Variants in COG5 observed in about 807,000 individuals in gnomAD.
The protein encoded by COG5 is conserved oligomeric Golgi complex subunit 5.
A neutral mutation model predicts 110.4 loss-of-function variants in COG5; 86 were observed. The ratio of observed to expected loss-of-function variants is 0.78; its 90% CI spans 0.65 to 0.93. COG5 has a LOEUF of 0.93. COG5 is among the 40% of genes least tolerant of loss of function. COG5 has a pLI of 0.00. For synonymous variants in COG5, 360 were observed against 334.6 expected (o/e 1.08, Z -0.83); for missense variants, 1,077 against 987.0 (o/e 1.09, Z -1.22).
At chr7:107,400,672 A>C (rs1472347639) in intron 7 of COG5, among the ~76,000 whole-genome samples, 2 of 152,178 alleles carry the variant, frequency 1.3e-5, no homozygotes, top group Non-Finnish European at 2.9e-5. Flanking sequence ...AACTATGGGA[A>C]GTAATAACAC....
intron 6 of COG5, among the ~76,000 whole-genome samples, chr7:107,466,876 T>G (rs187964412): frequency 6.6e-6 from 1 of 152,352 alleles, no homozygotes; most frequent in East Asian, 1.9e-4. Flanking sequence ...CTTAAAATTG[T>G]TTCAAAGTAC....
At chr7:107,310,004 G>A (rs1311850976) in intron 11 of COG5, among the ~76,000 whole-genome samples, 2 of 151,918 alleles carry the variant, frequency 1.3e-5, no homozygotes, top group Non-Finnish European at 2.9e-5. Flanking sequence ...TCTTTCTTAG[G>A]TAAACAAAAG....
chr7:107,459,816 A>T (rs1315569380), intron 6 of COG5, among the ~76,000 whole-genome samples: 1 of 150,284 alleles, frequency 6.7e-6, no homozygotes, highest in East Asian at 1.9e-4. Flanking sequence ...AAAAAAAGTT[A>T]ATAGAACAGT....
intron 14 of COG5, among the ~76,000 whole-genome samples, chr7:107,264,602 AGGAT>A (rs1159717885): frequency 6.6e-6 from 1 of 152,040 alleles, no homozygotes; most frequent in Non-Finnish European, 1.5e-5. Context: ...CTAAGGTGTG[AGGAT>A]GGTGTGAGCC....
chr7:107,211,301 T>C, intron 19 of COG5, 76 bp from the exon 20 acceptor site: 1 of 1,510,622 alleles, frequency 6.6e-7, no homozygotes, highest in Non-Finnish European at 9.2e-7. Flanking sequence ...ATCATTCTCC[T>C]TGTAGAATAG....
At chr7:107,384,282 T>C (rs1815374942) in intron 7 of COG5, among the ~76,000 whole-genome samples, 1 of 152,020 alleles carries the variant, frequency 6.6e-6, no homozygotes, top group Non-Finnish European at 1.5e-5. Context: ...TACCCTTCCA[T>C]CTAATGGCAG....
At chr7:107,234,908 T>C (rs1201742893) in intron 18 of COG5, among the ~76,000 whole-genome samples, 1 of 152,086 alleles carries the variant, frequency 6.6e-6, no homozygotes, top group African/African-American at 2.4e-5. Context: ...AGTGTACCTG[T>C]AAAACAAAGT....
rs990341889 is a variant in COG5, at chr7:107,507,267, T to C, written c.538+19970A>G. Among the ~76,000 whole-genome samples the C allele has an allele frequency of 5.9e-5, 9 of 151,856 alleles. 1 individual carries two copies. Among genetic ancestry groups the C allele is most frequent in the Admixed American group, 3.9e-4 (6 of 15,236 alleles). On this transcript the variant is annotated intron_variant, in intron 6 of 21. Transcript: ENST00000297135. ...CTTTCCTATCAATGAACAATTTTAA[T>C]AGCCTTGAAATAAAACTTCCTTTTC...
At chr7:107,530,611 A>T (rs189711149) in intron 5 of COG5, among the ~76,000 whole-genome samples, 1 of 151,124 alleles carries the variant, frequency 6.6e-6, no homozygotes, top group East Asian at 1.9e-4. Flanking sequence ...CAAAAAAAAA[A>T]AAAAAAAAAA....
chr7:107,209,943 A>G lies in COG5; in HGVS notation c.2375+583T>C, dbSNP rs375884711. The G allele has an allele frequency of 1.5e-4, 153 of 987,306 alleles. 1 individual carries two copies. The South Asian group carries it at 6.4e-3, about 41-fold the overall frequency. The allele number at this position is 987,306 out of a possible 1,614,324, so 61.2% of individuals were successfully genotyped here. ...CAGTTGCAGGGAAGAGTGTTGCTTA[A>G]TAAGCCATGTATGACAGTTAAAGCA... is the stretch of plus-strand genomic sequence containing the variant. On this transcript the variant is annotated intron_variant, in intron 21 of 21. Coordinates refer to ENST00000297135, the MANE Select transcript of COG5 (RefSeq NM_006348.5).
At chr7:107,295,562 C>G (rs183133412) in intron 12 of COG5, among the ~76,000 whole-genome samples, 1 of 152,188 alleles carries the variant, frequency 6.6e-6, no homozygotes, top group East Asian at 1.9e-4. Context: ...TCTCCCATCT[C>G]TTTTTCTCTC....
At chr7:107,497,545 A>T (rs1798356566) in intron 6 of COG5, among the ~76,000 whole-genome samples, 1 of 152,160 alleles carries the variant, frequency 6.6e-6, no homozygotes, top group South Asian at 2.1e-4. Flanking sequence ...CTCATTTACA[A>T]TTGCATCCAA....
At chr7:107,496,527 G>A (rs1798280926) in intron 6 of COG5, among the ~76,000 whole-genome samples, 1 of 151,918 alleles carries the variant, frequency 6.6e-6, no homozygotes, top group Non-Finnish European at 1.5e-5. Flanking sequence ...GGGTTTGATG[G>A]TATGCGCCTA....
chr7:107,513,505 C>T (rs1488218729), intron 6 of COG5, among the ~76,000 whole-genome samples: 1 of 152,166 alleles, frequency 6.6e-6, no homozygotes, highest in Non-Finnish European at 1.5e-5. Flanking sequence ...CCTCAGGGAT[C>T]TAGAACTAGA....
intron 19 of COG5, among the ~76,000 whole-genome samples, chr7:107,223,719 T>C (rs916109669): frequency 2.6e-5 from 4 of 152,132 alleles, no homozygotes; most frequent in Non-Finnish European, 5.9e-5. Flanking sequence ...AACAGAAACT[T>C]CTGGAATAAG....
intron 10 of COG5, among the ~76,000 whole-genome samples, chr7:107,344,007 T>TA (rs1811391756): frequency 6.6e-6 from 1 of 152,100 alleles, no homozygotes; most frequent in Non-Finnish European, 1.5e-5. Context: ...GCATCATTCT[T>TA]AAAGGCCCTA....
intron 11 of COG5, among the ~76,000 whole-genome samples, chr7:107,321,455 G>C (rs1809268021): frequency 6.6e-6 from 1 of 152,040 alleles, no homozygotes; most frequent in Non-Finnish European, 1.5e-5. Flanking sequence ...ACAAAATTCT[G>C]AAACACATAT....
intron 11 of COG5, among the ~76,000 whole-genome samples, chr7:107,317,529 C>T (rs562253388): frequency 1.8e-4 from 28 of 152,222 alleles, no homozygotes; most frequent in Admixed American, 5.9e-4. Context: ...TCATAATTCA[C>T]AGGGTAATAA....
intron 6 of COG5, among the ~76,000 whole-genome samples, chr7:107,453,986 T>TCAAA (rs34044007): frequency 0.43 from 65,374 of 151,594 alleles, 14,589 homozygotes; most frequent in Non-Finnish European, 0.5. Context: ...AGAAATTTAC[T>TCAAA]CAGATAAAAA....
Sources: allele counts gnomAD v4.1 joint callset (sites outside exome capture counted in the v4.1 genomes callset), GRCh38; gene constraint gnomAD v4.1.1; transcripts MANE v1.5; gene names NCBI Gene and HGNC (gene_info 2026-07-23, HGNC 2026-07-21).